Variants in TAFA2 observed in about 807,000 individuals in gnomAD.
The protein encoded by TAFA2 is chemokine-like protein TAFA-2.
TAFA2 carries 7 observed loss-of-function variants against 18.8 expected under a neutral mutation model. The ratio of observed to expected loss-of-function variants is 0.37; its 90% CI spans 0.21 to 0.70. The LOEUF (loss-of-function observed/expected upper bound fraction) is 0.70. Among genes scored for constraint, TAFA2 ranks in the 30% least tolerant of loss-of-function variants. The pLI, the probability that TAFA2 is intolerant of heterozygous loss-of-function variation, is 0.53. For missense variants in TAFA2, 122 were observed against 158.1 expected (o/e 0.77, Z 1.23); for synonymous variants, 60 against 54.2 (o/e 1.11, Z -0.47).
At position 62,189,205 on chromosome 12, in the gene TAFA2, C is replaced by T. The variant is rs150362952; in HGVS notation, c.-2+2054G>A. Among the ~76,000 whole-genome samples, 1,431 of 152,082 alleles carry T rather than the reference C, an allele frequency of 9.4e-3. 9 individuals carry two copies. Among genetic ancestry groups the T allele is most frequent in the Non-Finnish European group, 0.015 (1,026 of 67,962 alleles). On this transcript the variant is annotated intron_variant, in intron 1 of 4. Coordinates refer to ENST00000416284, the MANE Select transcript of TAFA2 (RefSeq NM_178539.5). The stretch of plus-strand genomic sequence containing the variant: ...AGATTTTCACATAAAAAAAAAAATG[C>T]CTAATCTGAATAAAACAACACACTA...
chr12:61,856,191 C>G (rs1264085066), intron 2 of TAFA2, among the ~76,000 whole-genome samples: 3 of 151,824 alleles, frequency 2.0e-5, no homozygotes, highest in Admixed American at 1.3e-4. Flanking sequence ...AAGAGATAAA[C>G]CTGGATTAAA....
intron 4 of TAFA2, among the ~76,000 whole-genome samples, chr12:61,724,132 G>C (rs937609092): frequency 3.3e-5 from 5 of 152,050 alleles, no homozygotes; most frequent in Admixed American, 2.6e-4. Context: ...GTTCAGGATG[G>C]CTGACCTCTC....
intron 1 of TAFA2, among the ~76,000 whole-genome samples, chr12:62,027,952 G>T (rs774693990): frequency 6.6e-6 from 1 of 152,090 alleles, no homozygotes; most frequent in Non-Finnish European, 1.5e-5. Flanking sequence ...CTGGTTCCCT[G>T]TTATCCAACT....
chr12:62,221,747 A>G (rs546889462), intron 1 of TAFA2, among the ~76,000 whole-genome samples: 1 of 152,256 alleles, frequency 6.6e-6, no homozygotes, highest in African/African-American at 2.4e-5. Flanking sequence ...GAATTGGAGG[A>G]TATTTTTATG....
intron 1 of TAFA2, among the ~76,000 whole-genome samples, chr12:62,073,989 A>G (rs572695892): frequency 1.3e-5 from 2 of 152,382 alleles, no homozygotes; most frequent in Admixed American, 1.3e-4. Flanking sequence ...TTTTGAGTCT[A>G]TGTGTGCTGA....
At chr12:62,129,633 A>C (rs1023026778) in intron 1 of TAFA2, among the ~76,000 whole-genome samples, 2 of 152,040 alleles carry the variant, frequency 1.3e-5, no homozygotes, top group African/African-American at 4.8e-5. Flanking sequence ...ATTTAATTTT[A>C]AAAAATGTTA....
At chr12:61,964,475 C>T (rs918718221) in intron 1 of TAFA2, among the ~76,000 whole-genome samples, 1 of 151,760 alleles carries the variant, frequency 6.6e-6, no homozygotes, top group African/African-American at 2.4e-5. Context: ...AATGTTCTGA[C>T]CTATACTTAA....
At chr12:62,244,736 G>A (rs952335912) in intron 1 of TAFA2, among the ~76,000 whole-genome samples, 1 of 152,172 alleles carries the variant, frequency 6.6e-6, no homozygotes, top group African/African-American at 2.4e-5. Flanking sequence ...ATTAACACTA[G>A]ATAATGTCAA....
chr12:61,876,221 C>T (rs1417901362), intron 1 of TAFA2, among the ~76,000 whole-genome samples: 3 of 152,156 alleles, frequency 2.0e-5, no homozygotes, highest in Non-Finnish European at 1.5e-5. Context: ...TTAAGACTTT[C>T]ATTCCTTTAG....
chr12:62,029,753 G>A (rs560170920), intron 1 of TAFA2, among the ~76,000 whole-genome samples: 144 of 151,890 alleles, frequency 9.5e-4, no homozygotes, highest in Non-Finnish European at 9.1e-4. Flanking sequence ...GGTGAGGAGA[G>A]TTGACTCCAG....
In TAFA2 at chr12:61,809,782, C is replaced by T. The variant is rs772093779; in HGVS notation, c.107-54758G>A. Reference sequence around the variant, plus strand: ...AAAGTTTCCTTGTGAACCTACTTCACCCTGTTGTCTTCAATATGAAGAATC... The same window carrying T: ...AAAGTTTCCTTGTGAACCTACTTCATCCTGTTGTCTTCAATATGAAGAATC... On this transcript the variant is annotated intron_variant, in intron 2 of 4. Transcript: ENST00000416284. Among the ~76,000 whole-genome samples the T allele has an allele frequency of 6.6e-5, 10 of 151,354 alleles. No individual in the cohort carries two copies. In the East Asian group the frequency reaches 1.2e-3, roughly 18 times the overall value.
intron 1 of TAFA2, among the ~76,000 whole-genome samples, chr12:61,968,655 T>C (rs1180364058): frequency 6.6e-6 from 1 of 151,780 alleles, no homozygotes; most frequent in African/African-American, 2.4e-5. Context: ...GCTTACTCTG[T>C]TCTAGTCACT....
At chr12:62,176,091 C>T (rs2062511511) in intron 1 of TAFA2, among the ~76,000 whole-genome samples, 1 of 152,218 alleles carries the variant, frequency 6.6e-6, no homozygotes, top group Non-Finnish European at 1.5e-5. Context: ...CATCATATTA[C>T]ACCATCATAT....
intron 2 of TAFA2, among the ~76,000 whole-genome samples, chr12:61,827,594 C>A (rs935293471): frequency 6.6e-6 from 1 of 151,852 alleles, no homozygotes; most frequent in Non-Finnish European, 1.5e-5. Context: ...CATCAGTAGT[C>A]ATGAATAAAG....
chr12:62,028,351 T>C lies in TAFA2; in HGVS notation c.-1-160925A>G, dbSNP rs560676081. ...AAGACAGTTCTTGGCTCCTTCACAGTGAGTTCCCACTTCCTCCTCTCATCT... is the reference window on the plus strand; with the variant it reads ...AAGACAGTTCTTGGCTCCTTCACAGCGAGTTCCCACTTCCTCCTCTCATCT... On this transcript the variant is annotated intron_variant, in intron 1 of 4. Transcript: ENST00000416284. Among the ~76,000 whole-genome samples, 4 of 152,248 alleles carry C rather than the reference T, an allele frequency of 2.6e-5. No individual in the cohort carries two copies. In the East Asian group the frequency reaches 5.8e-4, roughly 22 times the overall value.
intron 1 of TAFA2, among the ~76,000 whole-genome samples, chr12:62,015,568 A>T (rs982879339): frequency 6.6e-6 from 1 of 152,204 alleles, no homozygotes; most frequent in African/African-American, 2.4e-5. Context: ...CAAAGTGCAA[A>T]CAATGTACCA....
intron 1 of TAFA2, among the ~76,000 whole-genome samples, chr12:62,142,215 A>AG (rs2062245321): frequency 6.6e-6 from 1 of 152,176 alleles, no homozygotes; most frequent in African/African-American, 2.4e-5. Context: ...AATGAGAAAA[A>AG]TAATAACTAC....
chr12:61,975,514 C>CGCGTGTGTGTGTGTGTGTGT (rs1555180431), intron 1 of TAFA2, among the ~76,000 whole-genome samples: 2 of 136,560 alleles, frequency 1.5e-5, no homozygotes, highest in African/African-American at 5.6e-5. Context: ...CAATAATATT[C>CGCGTGTGTGTGTGTGTGTGT]GTGTGTGTGT....
At chr12:62,207,831 A>G (rs930493713) in intron 1 of TAFA2, among the ~76,000 whole-genome samples, 3 of 152,198 alleles carry the variant, frequency 2.0e-5, no homozygotes, top group Non-Finnish European at 4.4e-5. Flanking sequence ...CCACATTGCC[A>G]GAGTATCTAG....
Sources: allele counts gnomAD v4.1 joint callset (sites outside exome capture counted in the v4.1 genomes callset), GRCh38; gene constraint gnomAD v4.1.1; transcripts MANE v1.5; gene names NCBI Gene and HGNC (gene_info 2026-07-23, HGNC 2026-07-21).